The following SH2D6 variants were observed in gnomAD, a reference collection of about 807,000 sequenced individuals.
The protein encoded by SH2D6 is SH2 domain containing 6.
SH2D6 carries 31 observed loss-of-function variants against 30.2 expected under a neutral mutation model. The observed-to-expected ratio is 1.03, with a 90% CI of 0.77 to 1.38. The LOEUF (loss-of-function observed/expected upper bound fraction) is 1.38, where lower values mean the gene tolerates loss of function less well. Ranked by LOEUF, SH2D6 falls within the 40% of genes most tolerant of loss-of-function variation. The probability of loss-of-function intolerance (pLI) is 0.00; values close to 1 mark genes in which losing one functional copy is unlikely to be tolerated. For missense variants in SH2D6, 240 were observed against 266.8 expected (o/e 0.90, Z 0.70); for synonymous variants, 93 against 104.6 (o/e 0.89, Z 0.68).
At position 85,428,085 on chromosome 2, in the gene SH2D6, C is replaced by T. The variant is rs148553793; in HGVS notation, c.-208-499C>T. ...GTGTTTCCTCATTCCCTGACTTAAA[C>T]AGAGTCAGACACCAGGCCCCAGCCC... On this transcript the variant is annotated intron_variant, in intron 6 of 23. Coordinates refer to ENST00000469800, the MANE Select transcript of SH2D6 (RefSeq NM_001394463.1). 3.9e-3 allele frequency among the ~76,000 whole-genome samples: 595 copies of T among 152,324 alleles called. 2 individuals are homozygous for T. Among genetic ancestry groups the T allele is most frequent in the Non-Finnish European group, 7.1e-3 (481 of 68,028 alleles).
At chr2:85,429,915 A>T (rs1337772943) in intron 9 of SH2D6, 66 bp from the exon 10 acceptor site, 1 of 152,668 alleles carries the variant, frequency 6.6e-6, no homozygotes, top group Non-Finnish European at 1.5e-5. Flanking sequence ...ATGTCCCAGA[A>T]CACAGCGTCT....
At position 85,435,055 on chromosome 2, in the gene SH2D6, C is replaced by T. The variant is rs1206035190; in HGVS notation, c.590-10C>T. 1 of 1,205,204 alleles carries T rather than the reference C, an allele frequency of 8.3e-7. No homozygotes were observed. The allele number at this position is 1,205,204 out of a possible 1,614,324, so 74.7% of individuals were successfully genotyped here. A position where few individuals can be genotyped will look rare whatever the true frequency, so the allele number is the denominator to read the frequency against. On this transcript the variant is annotated splice_polypyrimidine_tract_variant and intron_variant, in intron 19 of 23. Transcript: ENST00000469800. The stretch of plus-strand genomic sequence containing the variant: ...CACCCCACCCCAGCTCAATAATCTG[C>T]TTCTTCTAGAAGGAAGGAAATCGTC...
chr2:85,421,084 A>G (rs1687732812), intron 2 of SH2D6, among the ~76,000 whole-genome samples: 1 of 152,242 alleles, frequency 6.6e-6, no homozygotes, highest in Non-Finnish European at 1.5e-5. Flanking sequence ...GGAGGGTAGA[A>G]GACCAGCTGG....
At chr2:85,426,152 C>A (rs1688033466) in intron 6 of SH2D6, among the ~76,000 whole-genome samples, 2 of 152,152 alleles carry the variant, frequency 1.3e-5, no homozygotes, top group Admixed American at 1.3e-4. Flanking sequence ...GCTTACCTGT[C>A]CCCCTGCAGG....
rs1370459356 is a variant in SH2D6 at position 85,433,132 on chromosome 2, C to T, written c.393+11C>T. 11 of 985,902 alleles carry T rather than the reference C, an allele frequency of 1.1e-5. No individual in the cohort carries two copies. The highest frequency in any genetic ancestry group is 5.2e-4 in the Middle Eastern group (1 of 1,918). The allele number at this position is 985,902 out of a possible 1,614,324, so 61.1% of individuals were successfully genotyped here. On this transcript the variant is annotated intron_variant, in intron 15 of 23. Coordinates refer to ENST00000469800, the MANE Select transcript of SH2D6 (RefSeq NM_001394463.1). The stretch of plus-strand genomic sequence containing the variant: ...GCATCGTCCAGAGTGGTGAGCAGCC[C>T]CTCCATTTCCACCTCAGTTTCCAGG...
chr2:85,419,065 A>G lies in SH2D6; in HGVS notation c.-756A>G, dbSNP rs1021632238. On this transcript the variant is annotated 5_prime_UTR_variant, in exon 2 of 24. Coordinates refer to ENST00000469800, the MANE Select transcript of SH2D6 (RefSeq NM_001394463.1). ...ATTCCTGGAAGGAGGAGCAGCCCAG[A>G]CCCTGAGACTGGACTAGGTCTGTTA... is the stretch of plus-strand genomic sequence containing the variant. The G allele has an allele frequency of 2.6e-5, 4 of 152,334 alleles. No individual in the cohort carries two copies. Among genetic ancestry groups the G allele is most frequent in the South Asian group, 2.1e-4 (1 of 4,838 alleles). 9.4% of individuals were successfully genotyped at this position (152,334 alleles called of 1,614,324 possible).
In SH2D6 at chr2:85,435,104, G is replaced by A. The variant is rs748532571; in HGVS notation, c.629G>A (p.Gly210Glu). ...KSSLPSVAPTGSASAAEDSDL... is the reference protein window; with the variant it reads ...KSSLPSVAPTESASAAEDSDL... ...TCTCTTCCCTCTGTAGCCCCCACTG[G>A]GAGTGCCTCAGCTGCTGAGGTGAGG... The change falls in exon 20 of 24, where the codon GGG (glycine) becomes GAG (glutamate). Residue 210 changes from glycine to glutamate, a missense_variant. Physicochemically the swap from Gly to Glu is moderately conservative, Grantham distance 98. Coordinates refer to ENST00000469800, the MANE Select transcript of SH2D6 (RefSeq NM_001394463.1). 2.6e-6 allele frequency: 4 copies of A among 1,510,754 alleles called. No homozygotes were observed. Among genetic ancestry groups the A allele is most frequent in the Admixed American group, 1.8e-5 (1 of 56,412 alleles). 93.6% of individuals were successfully genotyped at this position (1,510,754 alleles called of 1,614,324 possible). A position where few individuals can be genotyped will look rare whatever the true frequency, so the allele number is the denominator to read the frequency against.
intron 14 of SH2D6, among the ~76,000 whole-genome samples, chr2:85,432,409 G>A (rs866309936): frequency 6.9e-6 from 1 of 145,868 alleles, no homozygotes. Context: ...GTTTTGTTTT[G>A]TTTTTTTTTT....
At chr2:85,427,909 C>T (rs1688198699) in intron 6 of SH2D6, among the ~76,000 whole-genome samples, 1 of 152,242 alleles carries the variant, frequency 6.6e-6, no homozygotes, top group Admixed American at 6.5e-5. Flanking sequence ...GGGTGTCTCC[C>T]CAGTGCCCCC....
rs1431414876 is a variant in SH2D6 at position 85,419,174 on chromosome 2, G to T, written c.-647G>T. On this transcript the variant is annotated 5_prime_UTR_variant, in exon 2 of 24. Transcript: ENST00000469800. ...AGGTCAGGGATGTAGGTCCCAGGGT[G>T]TGCAGGCCGCGGTATCTGACCATCG... The T allele has an allele frequency of 6.6e-6, 1 of 152,364 alleles. No individual in the cohort carries two copies. Among genetic ancestry groups the T allele is most frequent in the Non-Finnish European group, 1.5e-5 (1 of 68,124 alleles). 9.4% of individuals were successfully genotyped at this position (152,364 alleles called of 1,614,324 possible).
intron 6 of SH2D6, among the ~76,000 whole-genome samples, chr2:85,428,283 T>A (rs1285692447): frequency 6.6e-6 from 1 of 152,198 alleles, no homozygotes; most frequent in Non-Finnish European, 1.5e-5. Flanking sequence ...TACAGGTTGC[T>A]TAGCCTTTAG....
rs1291947862 is a variant in SH2D6, at chr2:85,435,828, G to A, written c.891+4G>A. On this transcript the variant is annotated splice_donor_region_variant and intron_variant, in intron 22 of 23. Transcript: ENST00000469800. ...GGAGGGCAGGAACCGTGAGGAGGTG[G>A]GAGCTGGAGGAGGCAGGGGCCTAAG... The A allele has an allele frequency of 3.2e-6, 5 of 1,580,148 alleles. No individual in the cohort carries two copies. The African/African-American group carries it at 5.4e-5, about 17-fold the overall frequency.
At chr2:85,432,341 G>A (rs1457135216) in intron 14 of SH2D6, among the ~76,000 whole-genome samples, 5 of 151,272 alleles carry the variant, frequency 3.3e-5, no homozygotes, top group African/African-American at 9.7e-5. Flanking sequence ...TCTGCCTCCC[G>A]GGTTCAAGCG....
At chr2:85,433,958 C>A in intron 16 of SH2D6, 75 bp from the exon 17 acceptor site, 1 of 1,302,262 alleles carries the variant, frequency 7.7e-7, no homozygotes, top group Non-Finnish European at 1.1e-6. Flanking sequence ...TGCAGCTGTT[C>A]TCAGCCCTGC....
intron 20 of SH2D6, 25 bp downstream of exon 20, chr2:85,435,148 G>A (rs985897333): frequency 7.5e-6 from 12 of 1,604,032 alleles, no homozygotes; most frequent in Non-Finnish European, 1.0e-5. Flanking sequence ...GGAGCAGGCT[G>A]TAGGGAGAGG....
chr2:85,424,748 G>A (rs1186324931), intron 5 of SH2D6, among the ~76,000 whole-genome samples: 2 of 152,144 alleles, frequency 1.3e-5, no homozygotes, highest in East Asian at 3.9e-4. Context: ...TAGCCTGGGT[G>A]ACAGGGTGAG....
chr2:85,423,574 A>C (rs978018517), intron 5 of SH2D6, among the ~76,000 whole-genome samples: 6 of 152,156 alleles, frequency 3.9e-5, no homozygotes, highest in African/African-American at 1.4e-4. Flanking sequence ...GCCAGGGGAG[A>C]CAGAGGGATG....
At chr2:85,435,149 T>C (rs1248350859) in intron 20 of SH2D6, 26 bp downstream of exon 20, 17 of 1,602,850 alleles carry the variant, frequency 1.1e-5, no homozygotes, top group East Asian at 2.2e-5. Context: ...GAGCAGGCTG[T>C]AGGGAGAGGT....
intron 14 of SH2D6, among the ~76,000 whole-genome samples, chr2:85,432,351 G>A (rs1392563649): frequency 1.3e-5 from 2 of 151,490 alleles, no homozygotes; most frequent in South Asian, 2.1e-4. Flanking sequence ...GGGTTCAAGC[G>A]ATTTCTGGCT....
Sources: allele counts gnomAD v4.1 joint callset (sites outside exome capture counted in the v4.1 genomes callset), GRCh38; gene constraint gnomAD v4.1.1; transcripts MANE v1.5; gene names NCBI Gene and HGNC (gene_info 2026-07-23, HGNC 2026-07-21).